The following PRIM2 variants were observed in gnomAD, a reference collection of about 807,000 sequenced individuals.
The protein encoded by PRIM2 is DNA primase large subunit.
A neutral mutation model predicts 67.3 loss-of-function variants in PRIM2; 39 were observed. That is an observed-to-expected ratio of 0.58 (90% CI 0.45 to 0.76). The LOEUF is 0.76. Among genes scored for constraint, PRIM2 ranks in the 30% least tolerant of loss-of-function variants. The probability of loss-of-function intolerance (pLI) is 0.00; values close to 1 mark genes in which losing one functional copy is unlikely to be tolerated. For synonymous variants in PRIM2, 143 were observed against 198.7 expected, an observed-to-expected ratio of 0.72 and a Z score of 2.36; for missense variants, 398 against 598.7, an observed-to-expected ratio of 0.66 and a Z score of 3.50.
the PRIM2 span, among the ~76,000 whole-genome samples, chr6:57,237,488 A>C: frequency 4.8e-4 from 73 of 152,218 alleles, no homozygotes; most frequent in South Asian, 1.0e-3. Flanking sequence ...GAAGTCCTTG[A>C]CCATGCCTAT....
intron 7 of PRIM2, among the ~76,000 whole-genome samples, chr6:57,391,333 C>A (rs1650300028): frequency 6.8e-6 from 1 of 147,714 alleles, no homozygotes; most frequent in Non-Finnish European, 1.5e-5. Flanking sequence ...TGTAGGTTGT[C>A]TGTGTACTCT....
intron 5 of PRIM2, among the ~76,000 whole-genome samples, chr6:57,379,514 T>C (rs1277563774): frequency 6.6e-6 from 1 of 152,198 alleles, no homozygotes; most frequent in Non-Finnish European, 1.5e-5. Flanking sequence ...CAAACCACTC[T>C]AACCTCAATT....
At chr6:57,623,786 C>G (rs1776899398) in intron 12 of PRIM2, among the ~76,000 whole-genome samples, 1 of 151,852 alleles carries the variant, frequency 6.6e-6, no homozygotes, top group Admixed American at 6.6e-5. Context: ...AGCTTTGAGT[C>G]ATTTCATTCT....
At chr6:57,354,240 T>G (rs1768957298) in intron 5 of PRIM2, among the ~76,000 whole-genome samples, 1 of 151,402 alleles carries the variant, frequency 6.6e-6, no homozygotes, top group Admixed American at 6.6e-5. Flanking sequence ...CTTTCCTTCC[T>G]TCTTTCCCTG....
At chr6:57,418,383 G>T (rs79293845) in intron 7 of PRIM2, among the ~76,000 whole-genome samples, 3 of 47,234 alleles carry the variant, frequency 6.4e-5, no homozygotes, top group Non-Finnish European at 8.6e-5. Context: ...TATGTGTGTG[G>T]TTTTTTTTTT....
intron 5 of PRIM2, among the ~76,000 whole-genome samples, chr6:57,355,772 G>T (rs1769011837): frequency 2.0e-5 from 3 of 152,086 alleles, no homozygotes; most frequent in African/African-American, 7.2e-5. Context: ...GAGTAGCTGG[G>T]ACTACAGGCA....
intron 5 of PRIM2, among the ~76,000 whole-genome samples, chr6:57,356,520 A>T (rs1488997934): frequency 6.6e-6 from 1 of 152,192 alleles, no homozygotes; most frequent in Non-Finnish European, 1.5e-5. Flanking sequence ...AGTTATAAGA[A>T]CTTCAGTAGT....
At chr6:57,318,038 A>G (rs1282994090) in intron 1 of PRIM2, among the ~76,000 whole-genome samples, 9 of 152,196 alleles carry the variant, frequency 5.9e-5, no homozygotes, top group Non-Finnish European at 1.3e-4. Context: ...ACCCTCATTT[A>G]GCCAGAACCT....
the PRIM2 span, among the ~76,000 whole-genome samples, chr6:57,289,203 C>G: frequency 6.6e-6 from 1 of 152,010 alleles, no homozygotes; most frequent in African/African-American, 2.4e-5. Context: ...GAAAGGATAT[C>G]AGTGATCGAA....
At chr6:57,607,692 A>G (rs1776587867) in intron 12 of PRIM2, among the ~76,000 whole-genome samples, 1 of 152,156 alleles carries the variant, frequency 6.6e-6, no homozygotes, top group Non-Finnish European at 1.5e-5. Flanking sequence ...AACATATTTG[A>G]TAAGGAATCT....
intron 7 of PRIM2, among the ~76,000 whole-genome samples, chr6:57,456,630 C>T (rs1210035443): frequency 4.7e-4 from 72 of 152,136 alleles, no homozygotes; most frequent in Non-Finnish European, 7.3e-4. Context: ...TTGGTTTTCA[C>T]CTCCATTAGG....
At chr6:57,587,344 G>T (rs1208252234) in intron 10 of PRIM2, among the ~76,000 whole-genome samples, 1 of 152,128 alleles carries the variant, frequency 6.6e-6, no homozygotes, top group Non-Finnish European at 1.5e-5. Context: ...AAAGTAGTGA[G>T]ATTCTTTATG....
At chr6:57,636,723 G>T (rs1256198349) in intron 13 of PRIM2, among the ~76,000 whole-genome samples, 3 of 152,144 alleles carry the variant, frequency 2.0e-5, no homozygotes, top group Admixed American at 6.5e-5. Flanking sequence ...AATAAAAAAA[G>T]ATTAATTATC....
At chr6:57,384,861 A>T (rs1046177104) in intron 7 of PRIM2, among the ~76,000 whole-genome samples, 4 of 152,206 alleles carry the variant, frequency 2.6e-5, no homozygotes, top group African/African-American at 9.7e-5. Flanking sequence ...CTAACTATGA[A>T]AATGCATCTG....
At chr6:57,527,075 A>G (rs1202602077) in intron 8 of PRIM2, among the ~76,000 whole-genome samples, 9 of 152,192 alleles carry the variant, frequency 5.9e-5, no homozygotes, top group South Asian at 2.1e-4. Context: ...AGCCAGTTTC[A>G]TGAGCCAATG....
intron 5 of PRIM2, among the ~76,000 whole-genome samples, chr6:57,358,363 C>CAG (rs1188452329): frequency 1.3e-5 from 2 of 152,102 alleles, no homozygotes; most frequent in Admixed American, 1.3e-4. Flanking sequence ...TTGGTAGATG[C>CAG]TGGAGAACAG....
chr6:57,236,512 C>G, the PRIM2 span, among the ~76,000 whole-genome samples: 4 of 152,110 alleles, frequency 2.6e-5, no homozygotes, highest in South Asian at 6.3e-4. Context: ...GTGTGCTGCA[C>G]CCATTAACTC....
chr6:57,395,580 C>T (rs1418082020), intron 7 of PRIM2, among the ~76,000 whole-genome samples: 1 of 151,968 alleles, frequency 6.6e-6, no homozygotes, highest in South Asian at 2.1e-4. Context: ...TGCTAATGGT[C>T]TATTAATTGT....
intron 7 of PRIM2, among the ~76,000 whole-genome samples, chr6:57,466,271 G>T (rs1773187897): frequency 1.3e-5 from 2 of 152,174 alleles, no homozygotes; most frequent in Admixed American, 6.5e-5. Context: ...GAACAGTGCT[G>T]CAATAAACAT....
Sources: gnomAD v4.1 joint callset for allele counts (sites outside exome capture counted in the v4.1 genomes callset) on GRCh38, gnomAD v4.1.1 for gene constraint, MANE v1.5 for transcripts, NCBI Gene and HGNC (gene_info 2026-07-23, HGNC 2026-07-21) for gene names.